The following DNAH14 variants were observed in gnomAD, a reference collection of about 807,000 sequenced individuals.
DNAH14 encodes axonemal beta dynein heavy chain 14.
Under a neutral mutation model 520.9 loss-of-function variants are expected in DNAH14, and 478 were observed. That is an observed-to-expected ratio of 0.92 (90% CI 0.85 to 0.99). DNAH14 has a LOEUF of 0.99. DNAH14 is among the 50% of genes least tolerant of loss of function. The probability of loss-of-function intolerance (pLI) is 0.00; values close to 1 mark genes in which losing one functional copy is unlikely to be tolerated. For synonymous variants in DNAH14, 1,581 were observed against 1,757.2 expected (o/e 0.90, Z 2.51); for missense variants, 4,831 against 5,234.5 (o/e 0.92, Z 2.38).
chr1:225,079,145 T>A, intron 17 of DNAH14, 62 bp from the exon 18 acceptor site: 1 of 1,368,220 alleles, frequency 7.3e-7, no homozygotes, highest in South Asian at 1.4e-5. Flanking sequence ...TTAAAAAGAG[T>A]AATTAGTCTT....
chr1:225,255,413 C>T (rs2092699353), intron 44 of DNAH14, among the ~76,000 whole-genome samples: 1 of 152,202 alleles, frequency 6.6e-6, no homozygotes, highest in Non-Finnish European at 1.5e-5. Context: ...TCCCTCCACT[C>T]TTTCTCACAT....
chr1:225,398,937 T>G, intron 85 of DNAH14, 117 bp from the exon 86 acceptor site: 1 of 891,864 alleles, frequency 1.1e-6, no homozygotes, highest in Non-Finnish European at 1.7e-6. Flanking sequence ...ATTAACCATT[T>G]AACCTTAAAT....
rs1026757689 is a variant in DNAH14, at chr1:224,929,826, G to C, written c.-43G>C. The C allele has an allele frequency of 1.0e-4, 71 of 693,320 alleles. No homozygotes were observed. Among genetic ancestry groups the C allele is most frequent in the Non-Finnish European group, 1.7e-4 (64 of 378,448 alleles). 42.9% of individuals were successfully genotyped at this position (693,320 alleles called of 1,614,324 possible). A position where few individuals can be genotyped will look rare whatever the true frequency, so the allele number is the denominator to read the frequency against. ...AGGGCCACAACGGCCGTCGGACCAC[G>C]GCGCGGCGGGTAAGGTCGTCAGCGT... On this transcript the variant is annotated 5_prime_UTR_variant, in exon 1 of 86. Coordinates refer to ENST00000682510, the MANE Select transcript of DNAH14 (RefSeq NM_001367479.1).
In DNAH14 at chr1:224,931,963, AG is replaced by A. The variant is rs1242848467; in HGVS notation, c.-34+2129del. Among the ~76,000 whole-genome samples the A allele has an allele frequency of 5.3e-5, 8 of 152,288 alleles. No homozygotes were observed. The East Asian group carries it at 1.5e-3, about 29-fold the overall frequency. On this transcript the variant is annotated intron_variant, in intron 1 of 85. Transcript: ENST00000682510. ...TATATTGATTTCTTTTACTTTGGTT[AG>A]ATACTCAGTAGTGAATTGCTGAATT... is the stretch of plus-strand genomic sequence containing the variant.
chr1:225,043,683 T>G lies in DNAH14; in HGVS notation c.1769-61T>G, dbSNP rs889855531. On this transcript the variant is annotated intron_variant, in intron 13 of 85. Coordinates refer to ENST00000682510, the MANE Select transcript of DNAH14 (RefSeq NM_001367479.1). ...GCACTGGCATATATTAATTTGTCAT[T>G]TACCTGATATAAATATCAATCAATT... 14 of 1,225,972 alleles carry G rather than the reference T, an allele frequency of 1.1e-5. No homozygotes were observed. In the African/African-American group the frequency reaches 2.1e-4, roughly 19 times the overall value. The allele number at this position is 1,225,972 out of a possible 1,614,324, so 75.9% of individuals were successfully genotyped here.
intron 4 of DNAH14, among the ~76,000 whole-genome samples, chr1:224,960,525 A>G (rs531479253): frequency 3.9e-5 from 6 of 152,170 alleles, no homozygotes; most frequent in Non-Finnish European, 8.8e-5. Flanking sequence ...ACTGTTCTTA[A>G]CTAAGAACAA....
intron 77 of DNAH14, 115 bp from the exon 78 acceptor site, chr1:225,374,573 T>TA: frequency 9.7e-7 from 1 of 1,028,080 alleles, no homozygotes; most frequent in Non-Finnish European, 1.4e-6. Context: ...TTTCTATATA[T>TA]TTTTTAAAGA....
At chr1:225,295,206 T>C (rs1340479324) in intron 55 of DNAH14, among the ~76,000 whole-genome samples, 1 of 152,132 alleles carries the variant, frequency 6.6e-6, no homozygotes, top group Non-Finnish European at 1.5e-5. Flanking sequence ...AAAAAAACTT[T>C]TGGTTGTGTT....
At chr1:225,159,930 C>G (rs948744050) in intron 35 of DNAH14, among the ~76,000 whole-genome samples, 2 of 152,100 alleles carry the variant, frequency 1.3e-5, no homozygotes, top group African/African-American at 4.8e-5. Flanking sequence ...CAGTCATTGC[C>G]TTAATCTAGG....
chr1:224,969,595 A>C (rs771552365), intron 7 of DNAH14: 4 of 237,922 alleles, frequency 1.7e-5, no homozygotes, highest in Non-Finnish European at 2.4e-5. Context: ...GAGTAGGCTG[A>C]GGAGGTGGAG....
intron 50 of DNAH14, among the ~76,000 whole-genome samples, chr1:225,271,474 A>C (rs1456106096): frequency 6.6e-6 from 1 of 152,212 alleles, no homozygotes; most frequent in African/African-American, 2.4e-5. Flanking sequence ...TTTCAAGTTG[A>C]GTCATCTTTC....
At chr1:225,114,469 C>G (rs1449989595) in intron 23 of DNAH14, among the ~76,000 whole-genome samples, 1 of 152,134 alleles carries the variant, frequency 6.6e-6, no homozygotes, top group Non-Finnish European at 1.5e-5. Flanking sequence ...AGAGGTGATG[C>G]AAGCTCTCCT....
At position 224,974,107 on chromosome 1, in the gene DNAH14, G is replaced by A. The variant is rs2061661605; in HGVS notation, c.784G>A (p.Val262Ile). Residue 262 changes from valine (V) to isoleucine (I), a missense_variant, in exon 8 of 86, where the codon GTT (valine) becomes ATT (isoleucine). Coordinates refer to ENST00000682510, the MANE Select transcript of DNAH14 (RefSeq NM_001367479.1). ...FSDFRMNKAF[V>I]TWKLNVKRIK... ...TCCTTTCAGAATGAATAAAGCATTTGTTACCTGGAAATTGAATGTTAAAAG... is the reference window on the plus strand; with the variant it reads ...TCCTTTCAGAATGAATAAAGCATTTATTACCTGGAAATTGAATGTTAAAAG... 2.0e-6 allele frequency: 3 copies of A among 1,505,800 alleles called. No individual in the cohort carries two copies. In the East Asian group the frequency reaches 7.6e-5, roughly 38 times the overall value. The allele number at this position is 1,505,800 out of a possible 1,614,324, so 93.3% of individuals were successfully genotyped here.
At chr1:225,230,540 T>C (rs541696036) in intron 41 of DNAH14, among the ~76,000 whole-genome samples, 2 of 152,204 alleles carry the variant, frequency 1.3e-5, no homozygotes, top group East Asian at 1.9e-4. Flanking sequence ...GAATGAATAA[T>C]TACTCTTTGT....
At chr1:225,025,553 G>A (rs562296103) in intron 11 of DNAH14, among the ~76,000 whole-genome samples, 3 of 150,982 alleles carry the variant, frequency 2.0e-5, no homozygotes, top group African/African-American at 7.3e-5. Context: ...GCAACAAAGC[G>A]AAACCCCATC....
intron 54 of DNAH14, among the ~76,000 whole-genome samples, chr1:225,287,088 AAC>A (rs1003503756): frequency 4.6e-5 from 7 of 152,336 alleles, no homozygotes; most frequent in East Asian, 3.9e-4. Flanking sequence ...AAGAAAGTGA[AAC>A]ACAAGATATT....
intron 37 of DNAH14, among the ~76,000 whole-genome samples, chr1:225,187,730 G>C (rs2084925133): frequency 6.6e-6 from 1 of 151,664 alleles, no homozygotes; most frequent in South Asian, 2.1e-4. Context: ...TATGCTTATT[G>C]GCCATTTGTG....
At chr1:225,169,027 C>A (rs569060066) in intron 36 of DNAH14, among the ~76,000 whole-genome samples, 107 of 152,160 alleles carry the variant, frequency 7.0e-4, no homozygotes, top group Non-Finnish European at 1.0e-3. Flanking sequence ...ACTGCTGATA[C>A]CCAGACAAAC....
At position 225,338,139 on chromosome 1, in the gene DNAH14, A is replaced by G; in HGVS notation, c.10390A>G (p.Ile3464Val). ...CTATCAGAAAAAAGGACACTATTTC[A>G]TAAGGGTTGGTGATGCTGAGTTCGA... ...DIYQKKGHYF[I>V]RVGDAEFEYN... Residue 3464 changes from isoleucine (I) to valine (V), a missense_variant, in exon 68 of 86, where the codon ATA (isoleucine) becomes GTA (valine). Transcript: ENST00000682510. The G allele has an allele frequency of 6.4e-7, 1 of 1,551,972 alleles. No individual in the cohort carries two copies. The highest frequency in any genetic ancestry group is 2.0e-5 in the Admixed American group (1 of 50,990).
Sources: gnomAD v4.1 joint callset for allele counts (sites outside exome capture counted in the v4.1 genomes callset) on GRCh38, gnomAD v4.1.1 for gene constraint, MANE v1.5 for transcripts, NCBI Gene and HGNC (gene_info 2026-07-23, HGNC 2026-07-21) for gene names.